Variants in DACH2 observed in about 807,000 individuals in gnomAD.
The protein encoded by DACH2 is dachshund homolog 2.
A neutral mutation model predicts 35.8 loss-of-function variants in DACH2; 17 were observed. That is an observed-to-expected ratio of 0.48 (90% CI 0.33 to 0.71). DACH2 has a LOEUF of 0.71. DACH2 is among the 30% of genes least tolerant of loss of function. The pLI is 0.02. For missense variants in DACH2, 469 were observed against 472.7 expected (o/e 0.99, Z 0.07); for synonymous variants, 195 against 177.3 (o/e 1.10, Z -0.79).
At chrX:86,667,560 GAAAGA>G (rs1786527886) in intron 4 of DACH2, among the ~76,000 whole-genome samples, 2 of 79,161 alleles carry the variant, frequency 2.5e-5, no homozygotes, top group African/African-American at 5.6e-5. Context: ...AAGAAAGAAA[GAAAGA>G]AAGAAAGAAA....
At chrX:86,295,815 G>A (rs1213799212) in intron 1 of DACH2, among the ~76,000 whole-genome samples, 4 of 109,440 alleles carry the variant, frequency 3.7e-5, no homozygotes, top group Non-Finnish European at 7.6e-5. Context: ...GGGAGGGGTG[G>A]CATCAGAGAA....
chrX:86,689,424 C>T (rs1474296398), intron 4 of DACH2, among the ~76,000 whole-genome samples: 1 of 97,717 alleles, frequency 1.0e-5, no homozygotes, highest in African/African-American at 3.8e-5. Flanking sequence ...CCCCGCTACA[C>T]ACACTTATAC....
chrX:86,676,341 A>G (rs2040824903), intron 4 of DACH2, among the ~76,000 whole-genome samples: 1 of 112,078 alleles, frequency 8.9e-6, no homozygotes. Context: ...TGAAGCTTCT[A>G]GCACTCCACC....
At chrX:86,396,285 T>C (rs1482691494) in intron 2 of DACH2, among the ~76,000 whole-genome samples, 2 of 102,200 alleles carry the variant, frequency 2.0e-5, no homozygotes, top group Non-Finnish European at 4.0e-5. Context: ...ATTCTGGATA[T>C]TAGCCCTTTG....
At chrX:86,766,512 C>G (rs2147290066) in intron 7 of DACH2, among the ~76,000 whole-genome samples, 1 of 111,715 alleles carries the variant, frequency 9.0e-6, no homozygotes, top group Non-Finnish European at 1.9e-5. Flanking sequence ...AGTTCCAACA[C>G]ATCACTGCTT....
intron 2 of DACH2, among the ~76,000 whole-genome samples, chrX:86,403,436 AATC>A (rs1569382486): frequency 8.9e-6 from 1 of 112,190 alleles, no homozygotes; most frequent in African/African-American, 3.2e-5. Flanking sequence ...AAAAATCACT[AATC>A]ATCAGAGAAG....
intron 3 of DACH2, among the ~76,000 whole-genome samples, chrX:86,617,483 C>G (rs187235712): frequency 9.1e-6 from 1 of 109,412 alleles, no homozygotes; most frequent in African/African-American, 3.3e-5. Flanking sequence ...CATCGTTGAA[C>G]TTTCTCCTCT....
intron 7 of DACH2, among the ~76,000 whole-genome samples, chrX:86,810,584 C>T (rs2042385484): frequency 1.8e-5 from 2 of 111,391 alleles, no homozygotes; most frequent in Non-Finnish European, 3.8e-5. Context: ...AAAGTCATTC[C>T]ATCCACTTAA....
At chrX:86,601,389 A>G (rs1422690664) in intron 3 of DACH2, among the ~76,000 whole-genome samples, 1 of 111,892 alleles carries the variant, frequency 8.9e-6, no homozygotes, top group African/African-American at 3.2e-5. Flanking sequence ...TCCTGATTTC[A>G]ACTTTTATCC....
intron 1 of DACH2, chrX:86,160,568 C>A: frequency 3.9e-6 from 2 of 509,030 alleles, no homozygotes; most frequent in East Asian, 3.5e-5. Flanking sequence ...ACTGATTTGG[C>A]CTGGATGGTT....
At chrX:86,745,386 C>T (rs1197653789) in intron 7 of DACH2, among the ~76,000 whole-genome samples, 1 of 111,121 alleles carries the variant, frequency 9.0e-6, no homozygotes, top group Admixed American at 9.6e-5. Context: ...TTGTATCTGA[C>T]ATGTAGTTTT....
intron 4 of DACH2, among the ~76,000 whole-genome samples, chrX:86,674,707 C>G (rs2040807412): frequency 1.8e-5 from 2 of 111,639 alleles, no homozygotes; most frequent in Non-Finnish European, 3.8e-5. Flanking sequence ...TGCATTTTTT[C>G]TTTGTCATAT....
At chrX:86,586,723 G>T (rs2039576426) in intron 3 of DACH2, among the ~76,000 whole-genome samples, 2 of 110,717 alleles carry the variant, frequency 1.8e-5, no homozygotes, top group Admixed American at 1.9e-4. Flanking sequence ...TGTCTAATCA[G>T]ATGGATGTAT....
At position 86,745,427 on chromosome X, in the gene DACH2, C is replaced by T. The variant is rs1352564927; in HGVS notation, c.1240+5545C>T. Among the ~76,000 whole-genome samples, 8 of 110,821 alleles carry T rather than the reference C, an allele frequency of 7.2e-5. No individual in the cohort carries two copies. In the Admixed American group the frequency reaches 7.7e-4, roughly 11 times the overall value. ...CCTCTCCCTCTTCCCAACCTCCACC[C>T]TCAAGTAGGCCCCAGTGTCTGTGGT... On this transcript the variant is annotated intron_variant, in intron 7 of 11. Transcript: ENST00000373125.
intron 1 of DACH2, among the ~76,000 whole-genome samples, chrX:86,295,137 C>A (rs1417015813): frequency 1.8e-5 from 2 of 111,192 alleles, no homozygotes; most frequent in African/African-American, 6.6e-5. Flanking sequence ...GTTTTTTAAG[C>A]CCATCGGAAA....
chrX:86,305,382 A>G (rs1310789203), intron 1 of DACH2, among the ~76,000 whole-genome samples: 1 of 112,022 alleles, frequency 8.9e-6, no homozygotes, highest in Non-Finnish European at 1.9e-5. Flanking sequence ...GTTGTCAATA[A>G]CAGTTCAATT....
At chrX:86,533,698 T>C (rs1569431172) in intron 3 of DACH2, among the ~76,000 whole-genome samples, 1 of 112,230 alleles carries the variant, frequency 8.9e-6, no homozygotes, top group Non-Finnish European at 1.9e-5. Flanking sequence ...GAGACCATTT[T>C]CCCCAATTTA....
chrX:86,281,258 A>G (rs1440924261), intron 1 of DACH2, among the ~76,000 whole-genome samples: 2 of 111,432 alleles, frequency 1.8e-5, no homozygotes, highest in African/African-American at 6.5e-5. Context: ...TCAATAAAAT[A>G]CTGGCAAACC....
chrX:86,246,828 A>G (rs980209911), intron 1 of DACH2, among the ~76,000 whole-genome samples: 21 of 111,829 alleles, frequency 1.9e-4, no homozygotes, highest in Non-Finnish European at 1.1e-4. Context: ...ACACATATCA[A>G]TATTAACCTT....
Sources: allele counts gnomAD v4.1 joint callset (sites outside exome capture counted in the v4.1 genomes callset), GRCh38; gene constraint gnomAD v4.1.1; transcripts MANE v1.5; gene names NCBI Gene and HGNC (gene_info 2026-07-23, HGNC 2026-07-21).